The following PIK3R6 variants were observed in gnomAD, a reference collection of about 807,000 sequenced individuals.
PIK3R6 encodes the protein phosphoinositide-3-kinase regulatory subunit 6.
A neutral mutation model predicts 84.9 loss-of-function variants in PIK3R6; 91 were observed. The ratio of observed to expected loss-of-function variants is 1.07; its 90% CI spans 0.90 to 1.28. The LOEUF is 1.28. PIK3R6 is among the 50% of genes most tolerant of loss of function. The pLI is 0.00. For missense variants in PIK3R6, 996 were observed against 985.1 expected (o/e 1.01, Z -0.15); for synonymous variants, 416 against 411.4 (o/e 1.01, Z -0.13).
At position 8,829,754 on chromosome 17, in the gene PIK3R6, G is replaced by A; in HGVS notation, c.841C>T (p.Pro281Ser). The change falls in exon 10 of 20, where the codon CCC (proline) becomes TCC (serine). Residue 281 changes from proline (P) to serine (S), a missense_variant. Physicochemically the swap from Pro to Ser is moderately conservative, Grantham distance 74. Coordinates refer to ENST00000619866, the MANE Select transcript of PIK3R6 (RefSeq NM_001010855.4). ...VQERPPSIPL[P>S]SPYITFHLWT... The stretch of plus-strand genomic sequence containing the variant: ...AAGTGGAAGGTGATGTAGGGGCTGG[G>A]CAGGGGAATGCTTGGTGGCCGCTCT... 6.4e-7 allele frequency: 1 copy of A among 1,553,314 alleles called. No individual in the cohort carries two copies. The highest frequency in any genetic ancestry group is 2.4e-5 in the East Asian group (1 of 41,064).
intron 4 of PIK3R6, 55 bp downstream of exon 4, chr17:8,838,509 T>C (rs2088559670): frequency 6.6e-7 from 1 of 1,510,516 alleles, no homozygotes; most frequent in Non-Finnish European, 9.0e-7. Flanking sequence ...CCCTGCCCAA[T>C]TGGCCCCTCT....
At chr17:8,827,771 A>T in intron 12 of PIK3R6, among the ~76,000 whole-genome samples, 1 of 98,092 alleles carries the variant, frequency 1.0e-5, no homozygotes, top group Non-Finnish European at 1.9e-5. Flanking sequence ...GAGGAGAGAG[A>T]GAGAGAGAGA....
intron 1 of PIK3R6, among the ~76,000 whole-genome samples, chr17:8,852,376 T>C (rs2151300839): frequency 6.6e-6 from 1 of 152,324 alleles, no homozygotes; most frequent in South Asian, 2.1e-4. Context: ...CTCATTGAAT[T>C]CAGCAATGGA....
At position 8,835,293 on chromosome 17, in the gene PIK3R6, C is replaced by G. The variant is rs748327641; in HGVS notation, c.625G>C (p.Ala209Pro). The change falls in exon 8 of 20, where the codon GCT becomes CCT. Residue 209 changes from alanine to proline, a missense_variant. Physicochemically the swap from Ala to Pro is conservative, Grantham distance 27. Coordinates refer to ENST00000619866, the MANE Select transcript of PIK3R6 (RefSeq NM_001010855.4). Reference protein sequence around the residue: ...AALGEACHAGALHRKLQASPR... With the variant: ...AALGEACHAGPLHRKLQASPR... The stretch of plus-strand genomic sequence containing the variant: ...ATTACCTGCAGCTTCCTGTGCAGAG[C>G]GCCTGCGTGACAGGCCTCCCCCAGA... The G allele has an allele frequency of 6.3e-7, 1 of 1,577,064 alleles. No individual in the cohort carries two copies. Among genetic ancestry groups the G allele is most frequent in the South Asian group, 1.1e-5 (1 of 87,034 alleles).
intron 1 of PIK3R6, among the ~76,000 whole-genome samples, chr17:8,866,375 T>C (rs982418113): frequency 6.6e-6 from 1 of 151,966 alleles, no homozygotes; most frequent in South Asian, 2.1e-4. Context: ...AAAAAATTAC[T>C]ACTAAAAATA....
intron 13 of PIK3R6, 42 bp downstream of exon 13, chr17:8,827,130 C>T (rs1032633583): frequency 1.2e-6 from 2 of 1,602,898 alleles, no homozygotes; most frequent in African/African-American, 1.3e-5. Context: ...AGACCCCACT[C>T]CCGTCCCTCT....
chr17:8,843,697 G>A (rs117082919), intron 2 of PIK3R6, among the ~76,000 whole-genome samples: 7 of 152,034 alleles, frequency 4.6e-5, no homozygotes, highest in African/African-American at 1.2e-4. Flanking sequence ...TTTGCATAAC[G>A]TTTGGGTTTC....
At chr17:8,814,882 A>C (rs2087479632) in intron 18 of PIK3R6, among the ~76,000 whole-genome samples, 8 of 152,168 alleles carry the variant, frequency 5.3e-5, no homozygotes. Flanking sequence ...TGACATTCAG[A>C]ATCTTCTCTG....
At chr17:8,840,956 G>A (rs953284011) in intron 2 of PIK3R6, among the ~76,000 whole-genome samples, 4 of 151,774 alleles carry the variant, frequency 2.6e-5, no homozygotes, top group Non-Finnish European at 5.9e-5. Context: ...ATTTCACCGT[G>A]TTAGCTAGGA....
chr17:8,841,781 G>A (rs139692239), intron 2 of PIK3R6, among the ~76,000 whole-genome samples: 23 of 151,994 alleles, frequency 1.5e-4, no homozygotes, highest in Admixed American at 5.2e-4. Context: ...AATGTACCTC[G>A]CTCCTCTCCC....
intron 2 of PIK3R6, among the ~76,000 whole-genome samples, chr17:8,845,479 G>A (rs560268393): frequency 1.9e-4 from 29 of 152,242 alleles, no homozygotes; most frequent in African/African-American, 6.7e-4. Flanking sequence ...GTCTGTTCAT[G>A]TCTTTTACCC....
At chr17:8,804,905 T>A (rs1197424410) in intron 18 of PIK3R6, among the ~76,000 whole-genome samples, 2 of 152,210 alleles carry the variant, frequency 1.3e-5, no homozygotes, top group African/African-American at 2.4e-5. Flanking sequence ...AAACATAATG[T>A]TGGAGATTCT....
At chr17:8,813,001 G>T (rs919876696) in intron 18 of PIK3R6, among the ~76,000 whole-genome samples, 3 of 152,044 alleles carry the variant, frequency 2.0e-5, no homozygotes, top group African/African-American at 7.2e-5. Flanking sequence ...CACTAGCTAA[G>T]TTAACCAAGA....
In PIK3R6 at chr17:8,862,945, T is replaced by C. The variant is rs1030664049; in HGVS notation, c.-92+4584A>G. Reference sequence around the variant, plus strand: ...ACTCATGGTTTCACTTATTCCATAGTTCCTGAGCACCTTCTATGTGTCAGA... The same window carrying C: ...ACTCATGGTTTCACTTATTCCATAGCTCCTGAGCACCTTCTATGTGTCAGA... On this transcript the variant is annotated intron_variant, in intron 1 of 19. Coordinates refer to ENST00000619866, the MANE Select transcript of PIK3R6 (RefSeq NM_001010855.4). The surrounding 1 kb of genome is among the most constrained non-coding windows in gnomAD (Gnocchi z 4.3). 2.6e-5 allele frequency among the ~76,000 whole-genome samples: 4 copies of C among 152,218 alleles called. No individual in the cohort carries two copies. Among genetic ancestry groups the C allele is most frequent in the Admixed American group, 6.5e-5 (1 of 15,290 alleles).
intron 9 of PIK3R6, 115 bp downstream of exon 9, chr17:8,832,774 T>C: frequency 2.0e-6 from 3 of 1,495,590 alleles, no homozygotes; most frequent in East Asian, 2.3e-5. Flanking sequence ...CTCCTGGGAG[T>C]CGGCCAGGCA....
intron 16 of PIK3R6, 111 bp from the exon 17 acceptor site, chr17:8,822,047 A>T (rs1319347208): frequency 2.6e-4 from 148 of 574,002 alleles, no homozygotes; most frequent in Non-Finnish European, 3.6e-4. Flanking sequence ...CCCTGCTGTG[A>T]GAGTCTTTTT....
Position 8,862,733 on chromosome 17 carries a change from C to A in PIK3R6, c.-92+4796G>T, listed in dbSNP as rs2089311789. ...CATCTAAAAATTCCTCTCCCTCCCC[C>A]CGTAGCGCAAGAATACGACATTACA... On this transcript the variant is annotated intron_variant, in intron 1 of 19. Coordinates refer to ENST00000619866, the MANE Select transcript of PIK3R6 (RefSeq NM_001010855.4). The surrounding 1 kb of genome is among the most constrained non-coding windows in gnomAD (Gnocchi z 4.3). 6.6e-6 allele frequency among the ~76,000 whole-genome samples: 1 copy of A among 152,174 alleles called. No homozygotes were observed. Among genetic ancestry groups the A allele is most frequent in the African/African-American group, 2.4e-5 (1 of 41,426 alleles).
rs774442148 is a variant in PIK3R6, at chr17:8,828,821, C to T, written c.1059G>A (p.Leu353=). 2 of 1,590,546 alleles carry T rather than the reference C, an allele frequency of 1.3e-6. No individual in the cohort carries two copies. Among genetic ancestry groups the T allele is most frequent in the South Asian group, 2.3e-5 (2 of 88,248 alleles). ...CCATCTCAGGGCTGCCGGGTGCAGG[C>T]AGCTCATCAGCCCCCGTGGGAAGGT... ...ERDLPTGADE[L]PAPGSPEMER... Residue 353 remains leucine, a synonymous_variant, in exon 11 of 20, where the codon CTG becomes CTA. Transcript: ENST00000619866.
At position 8,829,515 on chromosome 17, in the gene PIK3R6, C is replaced by G. The variant is rs879201939; in HGVS notation, c.889+191G>C. On this transcript the variant is annotated intron_variant, in intron 10 of 19. Coordinates refer to ENST00000619866, the MANE Select transcript of PIK3R6 (RefSeq NM_001010855.4). ...ACACACACACTGACACACACTCATG[C>G]ATACACACACACTGACACACGCATG... Among the ~76,000 whole-genome samples the G allele has an allele frequency of 6.3e-4, 75 of 119,640 alleles. 1 individual carries two copies. In the South Asian group the frequency reaches 0.015, roughly 24 times the overall value. The allele number at this position is 119,640 out of a possible 152,430, so 78.5% of individuals were successfully genotyped here. A position where few individuals can be genotyped will look rare whatever the true frequency, so the allele number is the denominator to read the frequency against.
Sources: allele counts gnomAD v4.1 joint callset (sites outside exome capture counted in the v4.1 genomes callset), GRCh38; gene constraint gnomAD v4.1.1; non-coding constraint Gnocchi (gnomAD v3.1); transcripts MANE v1.5; gene names NCBI Gene and HGNC (gene_info 2026-07-23, HGNC 2026-07-21).